The following GULP1 variants were observed in gnomAD, a reference collection of about 807,000 sequenced individuals.
GULP1 encodes GULP PTB domain containing engulfment adaptor 1.
A neutral mutation model predicts 40.9 loss-of-function variants in GULP1; 19 were observed. The observed-to-expected ratio is 0.46, with a 90% CI of 0.32 to 0.68. GULP1 has a LOEUF of 0.68. Among genes scored for constraint, GULP1 ranks in the 30% least tolerant of loss-of-function variants. GULP1 has a pLI of 0.03. For synonymous variants in GULP1, 119 were observed against 117.6 expected (o/e 1.01, Z -0.08); for missense variants, 312 against 362.2 (o/e 0.86, Z 1.12).
At chr2:188,428,991 A>G (rs562326861) in intron 2 of GULP1, among the ~76,000 whole-genome samples, 1 of 152,292 alleles carries the variant, frequency 6.6e-6, no homozygotes, top group African/African-American at 2.4e-5. Context: ...GGATACTCAC[A>G]GGCAGCTAAA....
intron 2 of GULP1, among the ~76,000 whole-genome samples, chr2:188,397,041 C>T (rs1193813812): frequency 6.6e-6 from 1 of 152,216 alleles, no homozygotes; most frequent in Non-Finnish European, 1.5e-5. Context: ...ATTCGTAGGA[C>T]TTGGTTTTCT....
chr2:188,337,954 T>C (rs547238431), intron 1 of GULP1, among the ~76,000 whole-genome samples: 1 of 152,298 alleles, frequency 6.6e-6, no homozygotes, highest in Non-Finnish European at 1.5e-5. Flanking sequence ...ATTCCAACTC[T>C]AAATTCTTGG....
intron 1 of GULP1, among the ~76,000 whole-genome samples, chr2:188,331,220 A>G (rs549937117): frequency 3.0e-4 from 46 of 152,282 alleles, no homozygotes; most frequent in African/African-American, 1.1e-3. Context: ...GGCCTTAGAA[A>G]TAATCTCTTT....
chr2:188,329,332 A>G (rs568798889), intron 1 of GULP1, among the ~76,000 whole-genome samples: 10 of 152,258 alleles, frequency 6.6e-5, no homozygotes, highest in Admixed American at 5.9e-4. Flanking sequence ...TGCAGCACCC[A>G]ATTCCTGGGA....
chr2:188,419,190 C>T (rs2055014122), intron 2 of GULP1, among the ~76,000 whole-genome samples: 1 of 152,130 alleles, frequency 6.6e-6, no homozygotes, highest in Non-Finnish European at 1.5e-5. Flanking sequence ...CTTTGAGATC[C>T]TGATTTCAAT....
intron 6 of GULP1, among the ~76,000 whole-genome samples, chr2:188,538,937 G>A (rs1689696450): frequency 6.6e-6 from 1 of 151,914 alleles, no homozygotes; most frequent in Non-Finnish European, 1.5e-5. Flanking sequence ...TATGAGACAG[G>A]ATTTTTAAAT....
chr2:188,500,861 T>C (rs1193725580), intron 4 of GULP1, among the ~76,000 whole-genome samples: 1 of 151,942 alleles, frequency 6.6e-6, no homozygotes. Flanking sequence ...CCATGTTCTA[T>C]CAAATTGGGT....
At chr2:188,303,972 C>A (rs111460310) in intron 1 of GULP1, among the ~76,000 whole-genome samples, 4 of 152,220 alleles carry the variant, frequency 2.6e-5, no homozygotes, top group South Asian at 2.1e-4. Context: ...CTGGGGCCCC[C>A]CTCTGCCCTT....
intron 7 of GULP1, among the ~76,000 whole-genome samples, chr2:188,542,883 A>G (rs1690903439): frequency 6.6e-6 from 1 of 152,180 alleles, no homozygotes; most frequent in East Asian, 1.9e-4. Flanking sequence ...ATAAAGCAGT[A>G]AACTCAGTTA....
At chr2:188,435,802 G>C (rs1222026902) in intron 2 of GULP1, among the ~76,000 whole-genome samples, 1 of 151,974 alleles carries the variant, frequency 6.6e-6, no homozygotes, top group South Asian at 2.1e-4. Context: ...AGAGACAAAG[G>C]CTGTACTTTT....
chr2:188,441,188 A>G (rs2057894637), intron 2 of GULP1, among the ~76,000 whole-genome samples: 1 of 152,178 alleles, frequency 6.6e-6, no homozygotes, highest in South Asian at 2.1e-4. Flanking sequence ...ACTCGCCCTT[A>G]TGTTTGATCC....
intron 7 of GULP1, among the ~76,000 whole-genome samples, chr2:188,545,643 G>A (rs1277120635): frequency 2.0e-5 from 3 of 151,852 alleles, no homozygotes; most frequent in South Asian, 2.1e-4. Flanking sequence ...AAAGCCCATA[G>A]AGATGCAATG....
intron 2 of GULP1, among the ~76,000 whole-genome samples, chr2:188,440,026 A>C (rs1311013631): frequency 1.3e-5 from 2 of 152,214 alleles, no homozygotes; most frequent in Non-Finnish European, 2.9e-5. Context: ...AATAACAGAG[A>C]GGAGATACAT....
intron 2 of GULP1, among the ~76,000 whole-genome samples, chr2:188,475,741 C>T (rs1310441633): frequency 6.6e-6 from 1 of 151,836 alleles, no homozygotes; most frequent in Non-Finnish European, 1.5e-5. Flanking sequence ...AGGATATGCT[C>T]AATAAATAAC....
intron 7 of GULP1, among the ~76,000 whole-genome samples, chr2:188,551,760 CG>C (rs1458570911): frequency 6.6e-6 from 1 of 151,546 alleles, no homozygotes; most frequent in Non-Finnish European, 1.5e-5. Context: ...TACTGTTTTC[CG>C]TAGTAGCTTT....
intron 4 of GULP1, among the ~76,000 whole-genome samples, chr2:188,506,522 T>A (rs1447741093): frequency 2.0e-5 from 3 of 151,990 alleles, no homozygotes; most frequent in Admixed American, 6.6e-5. Flanking sequence ...TACTAACTTA[T>A]TAAATCCTTA....
chr2:188,420,653 C>T lies in GULP1; in HGVS notation c.-45+36764C>T, dbSNP rs142068259. 1.5e-3 allele frequency among the ~76,000 whole-genome samples: 227 copies of T among 152,222 alleles called. 1 individual carries two copies. The Middle Eastern group carries it at 0.051, about 34-fold the overall frequency. ...TAAAGCTCTTGACAGCAAGAGGGGACCCAAAAGTGGGTAGCTGTCTGTGAG... is the reference window on the plus strand; with the variant it reads ...TAAAGCTCTTGACAGCAAGAGGGGATCCAAAAGTGGGTAGCTGTCTGTGAG... On this transcript the variant is annotated intron_variant, in intron 2 of 11. Transcript: ENST00000409830.
chr2:188,486,915 G>C (rs907350264), intron 4 of GULP1, among the ~76,000 whole-genome samples: 1 of 151,806 alleles, frequency 6.6e-6, no homozygotes, highest in African/African-American at 2.4e-5. Context: ...TTTAGAGATG[G>C]GTAGCAAGGG....
intron 6 of GULP1, among the ~76,000 whole-genome samples, chr2:188,538,578 T>C (rs565617525): frequency 2.6e-5 from 4 of 152,168 alleles, no homozygotes; most frequent in African/African-American, 9.6e-5. Context: ...ATTTCTTGAA[T>C]GCATTAAAAA....
Sources: gnomAD v4.1 joint callset for allele counts (sites outside exome capture counted in the v4.1 genomes callset) on GRCh38, gnomAD v4.1.1 for gene constraint, MANE v1.5 for transcripts, NCBI Gene and HGNC (gene_info 2026-07-23, HGNC 2026-07-21) for gene names.